PLXNC1: variants seen among roughly 807,000 people sequenced by gnomAD.
PLXNC1 encodes plexin-C1.
Under a neutral mutation model 178.2 loss-of-function variants are expected in PLXNC1, and 75 were observed. The observed-to-expected ratio is 0.42, with a 90% confidence interval of 0.35 to 0.51. PLXNC1 has a LOEUF of 0.51. Ranked by LOEUF, PLXNC1 falls within the 20% of genes least tolerant of loss-of-function variation. The pLI, the probability that PLXNC1 is intolerant of heterozygous loss-of-function variation, is 0.02. For synonymous variants in PLXNC1, 790 were observed against 779.9 expected (o/e 1.01, Z -0.22); for missense variants, 1,503 against 1,984.4 (o/e 0.76, Z 4.61).
At chr12:94,209,853 G>C in intron 5 of PLXNC1, 149 bp downstream of exon 5, 3 of 575,986 alleles carry the variant, frequency 5.2e-6, no homozygotes, top group Non-Finnish European at 9.4e-6. Flanking sequence ...AACGAATATT[G>C]AGTGCCCACC....
At position 94,237,802 on chromosome 12, in the gene PLXNC1, G is replaced by A; in HGVS notation, c.2119G>A (p.Val707Met). 6.2e-7 allele frequency: 1 copy of A among 1,613,160 alleles called. No individual in the cohort carries two copies. ...LKGTSTCDKD[V>M]IQVSHVLNDT... is the part of the protein sequence containing the mutation. ...AGGAACCAGTACCTGTGATAAGGAT[G>A]TGTGAGTCGAAATACTAATAATTTA... The change falls in exon 10 of 31, where the codon GTG becomes ATG. Residue 707 changes from valine (V) to methionine (M), a missense_variant and splice_region_variant. This residue lies in a region of PLXNC1 where 615 missense variants were observed against 698.6 expected (regional missense o/e 0.88). Transcript: ENST00000258526.
At chr12:94,251,821 G>A (rs1413564238) in intron 15 of PLXNC1, among the ~76,000 whole-genome samples, 4 of 152,102 alleles carry the variant, frequency 2.6e-5, no homozygotes, top group Non-Finnish European at 4.4e-5. Context: ...GCAAAACCCC[G>A]TCTCTACTAA....
chr12:94,297,447 C>T, intron 26 of PLXNC1, 24 bp downstream of exon 26: 1 of 1,482,118 alleles, frequency 6.7e-7, no homozygotes, highest in Non-Finnish European at 9.4e-7. Context: ...TCTGGGAGCA[C>T]TTTATGGCTA....
intron 27 of PLXNC1, among the ~76,000 whole-genome samples, chr12:94,300,191 T>C (rs1372414790): frequency 6.6e-6 from 1 of 152,066 alleles, no homozygotes; most frequent in Non-Finnish European, 1.5e-5. Context: ...CTAAATGCAA[T>C]ATGCAAACAG....
At chr12:94,297,161 T>C (rs761274192) in intron 24 of PLXNC1, 28 bp from the exon 25 acceptor site, 10 of 1,612,822 alleles carry the variant, frequency 6.2e-6, no homozygotes, top group African/African-American at 2.7e-5. Flanking sequence ...AATGGACTGC[T>C]TTCTCTCCCT....
At chr12:94,300,717 C>T (rs1968383643) in intron 27 of PLXNC1, among the ~76,000 whole-genome samples, 193 bp from the exon 28 acceptor site, 1 of 152,188 alleles carries the variant, frequency 6.6e-6, no homozygotes. Flanking sequence ...CCTTCTTTTA[C>T]AGTAGCTCTG....
intron 9 of PLXNC1, among the ~76,000 whole-genome samples, chr12:94,229,676 C>G (rs1964037896): frequency 6.6e-6 from 1 of 152,146 alleles, no homozygotes; most frequent in Non-Finnish European, 1.5e-5. Context: ...ATTGAATGGT[C>G]TTGGCACCCT....
At chr12:94,176,618 A>G (rs1476677067) in intron 2 of PLXNC1, among the ~76,000 whole-genome samples, 7 of 152,220 alleles carry the variant, frequency 4.6e-5, no homozygotes, top group Admixed American at 4.6e-4. Context: ...TTAAGGTAAT[A>G]CAATGATATT....
Position 94,306,672 on chromosome 12 carries a change from C to T in PLXNC1, c.*1387C>T, listed in dbSNP as rs1181853889. On this transcript the variant is annotated 3_prime_UTR_variant, in exon 31 of 31. Transcript: ENST00000258526. ...AGTCAAATAACATTGATCACATATT[C>T]CTTGAAATCATTTACCAACACTGTA... The T allele has an allele frequency of 1.3e-5, 2 of 152,054 alleles. No individual in the cohort carries two copies. The highest frequency in any genetic ancestry group is 1.9e-4 in the East Asian group (1 of 5,200). 9.4% of individuals were successfully genotyped at this position (152,054 alleles called of 1,614,324 possible).
intron 7 of PLXNC1, among the ~76,000 whole-genome samples, chr12:94,224,725 G>A (rs936614561): frequency 3.3e-5 from 5 of 152,092 alleles, no homozygotes; most frequent in African/African-American, 1.2e-4. Flanking sequence ...GGGCAATATA[G>A]TGAGACGCCA....
At chr12:94,223,827 G>A (rs1963863354) in intron 6 of PLXNC1, among the ~76,000 whole-genome samples, 2 of 152,198 alleles carry the variant, frequency 1.3e-5, no homozygotes, top group African/African-American at 4.8e-5. Context: ...TGAAGGTGCA[G>A]GATTTCTAAT....
intron 6 of PLXNC1, among the ~76,000 whole-genome samples, chr12:94,221,801 G>T (rs1963804506): frequency 6.6e-6 from 1 of 152,152 alleles, no homozygotes; most frequent in Non-Finnish European, 1.5e-5. Context: ...AGGGGCAGGG[G>T]AGCTCTCTTA....
At chr12:94,207,953 G>A (rs1281336110) in intron 4 of PLXNC1, among the ~76,000 whole-genome samples, 2 of 151,944 alleles carry the variant, frequency 1.3e-5, no homozygotes, top group African/African-American at 2.4e-5. Flanking sequence ...CAGAGGAAGT[G>A]CCTTACACAA....
intron 17 of PLXNC1, chr12:94,255,820 G>A (rs1964822074): frequency 6.3e-6 from 1 of 157,570 alleles, no homozygotes; most frequent in Admixed American, 6.1e-5. Context: ...GGTTCTCTTT[G>A]GTAGTTTTTC....
chr12:94,304,104 G>A (rs1003093748), intron 30 of PLXNC1, 53 bp downstream of exon 30: 5 of 1,115,580 alleles, frequency 4.5e-6, no homozygotes, highest in Non-Finnish European at 6.6e-6. Context: ...ACAAGGATGT[G>A]GTTATAGCAT....
intron 23 of PLXNC1, among the ~76,000 whole-genome samples, chr12:94,285,166 C>T (rs767874385): frequency 3.3e-5 from 5 of 152,146 alleles, no homozygotes; most frequent in Admixed American, 6.5e-5. Flanking sequence ...CTAGAGAAGA[C>T]AGGAGGAGGA....
intron 23 of PLXNC1, among the ~76,000 whole-genome samples, chr12:94,286,954 CCCCACATTGCTGGCAGGG>C (rs1389083156): frequency 2.0e-5 from 3 of 152,176 alleles, no homozygotes; most frequent in Admixed American, 6.5e-5. Flanking sequence ...GCCCCCAGAG[CCCCACATTGCTGGCAGGG>C]CCCTGTCACC....
At position 94,257,703 on chromosome 12, in the gene PLXNC1, A is replaced by G. The variant is rs531000143; in HGVS notation, c.3088-1634A>G. The stretch of plus-strand genomic sequence containing the variant: ...CAGAGAATTGCTTGAACCCGAGATC[A>G]AGACCATCCTGGCTAACACAGTGAA... On this transcript the variant is annotated intron_variant, in intron 17 of 30. Coordinates refer to ENST00000258526, the MANE Select transcript of PLXNC1 (RefSeq NM_005761.3). Among the ~76,000 whole-genome samples the G allele has an allele frequency of 4.6e-5, 7 of 151,604 alleles. No individual in the cohort carries two copies. In the South Asian group the frequency reaches 1.3e-3, roughly 27 times the overall value.
At chr12:94,199,535 G>C (rs563548805) in intron 4 of PLXNC1, among the ~76,000 whole-genome samples, 1 of 152,276 alleles carries the variant, frequency 6.6e-6, no homozygotes, top group East Asian at 1.9e-4. Context: ...CATGCATCTG[G>C]GTTACTGTGA....
Sources: gnomAD v4.1 joint callset for allele counts (sites outside exome capture counted in the v4.1 genomes callset) on GRCh38, gnomAD v4.1.1 for gene constraint, gnomAD v4.1.1 regional missense constraint, MANE v1.5 for transcripts, NCBI Gene and HGNC (gene_info 2026-07-23, HGNC 2026-07-21) for gene names.